Variants in NOX4 observed in about 807,000 individuals in gnomAD.
The protein encoded by NOX4 is NADPH oxidase 4.
Under a neutral mutation model 87.6 loss-of-function variants are expected in NOX4, and 69 were observed. The observed-to-expected ratio is 0.79, with a 90% CI of 0.65 to 0.96. The LOEUF (loss-of-function observed/expected upper bound fraction) is 0.96. NOX4 is among the 40% of genes least tolerant of loss of function. The probability of loss-of-function intolerance (pLI) is 0.00; values close to 1 mark genes in which losing one functional copy is unlikely to be tolerated. For missense variants in NOX4, 680 were observed against 681.5 expected, an observed-to-expected ratio of 1.00 and a Z score of 0.02; for synonymous variants, 275 against 238.2, an observed-to-expected ratio of 1.15 and a Z score of -1.42.
chr11:89,558,597 C>A, the NOX4 span, among the ~76,000 whole-genome samples: 1 of 152,170 alleles, frequency 6.6e-6, no homozygotes, highest in East Asian at 1.9e-4. Context: ...CAGAATACTT[C>A]AAATATGTTG....
intron 13 of NOX4, among the ~76,000 whole-genome samples, chr11:89,349,827 G>C (rs1194907787): frequency 6.6e-6 from 1 of 152,116 alleles, no homozygotes; most frequent in Non-Finnish European, 1.5e-5. Context: ...CAAAATGGTT[G>C]CAAGTAATTT....
At chr11:89,458,418 G>A (rs899610381) in intron 2 of NOX4, among the ~76,000 whole-genome samples, 2 of 152,092 alleles carry the variant, frequency 1.3e-5, no homozygotes, top group African/African-American at 4.8e-5. Flanking sequence ...ATTTCATGAT[G>A]AAGACAACAA....
the NOX4 span, among the ~76,000 whole-genome samples, chr11:89,572,914 T>C: frequency 1.3e-5 from 2 of 152,154 alleles, no homozygotes; most frequent in Non-Finnish European, 2.9e-5. Context: ...TTATGTAGTC[T>C]TATACTTTAT....
chr11:89,493,716 A>ATT (rs1946915337), upstream of NOX4, among the ~76,000 whole-genome samples: 1 of 101,110 alleles, frequency 9.9e-6, no homozygotes, highest in Non-Finnish European at 2.0e-5. Flanking sequence ...TCTAAGCCAG[A>ATT]TTGTTTTATT....
chr11:89,534,733 T>A, the NOX4 span, among the ~76,000 whole-genome samples: 1 of 152,230 alleles, frequency 6.6e-6, no homozygotes, highest in South Asian at 2.1e-4. Flanking sequence ...TAGACTGGAC[T>A]GCCCTGGAGT....
chr11:89,381,359 T>C (rs1323596384), intron 11 of NOX4, among the ~76,000 whole-genome samples: 1 of 152,120 alleles, frequency 6.6e-6, no homozygotes, highest in Non-Finnish European at 1.5e-5. Context: ...CTGAAGTAAC[T>C]GAAGAGTCAC....
rs555361352 is a variant in NOX4 at position 89,326,356 on chromosome 11, T to A, written c.*400A>T. The A allele has an allele frequency of 6.4e-6, 1 of 155,114 alleles. No homozygotes were observed. The highest frequency in any genetic ancestry group is 2.0e-4 in the South Asian group (1 of 5,004). The allele number at this position is 155,114 out of a possible 1,614,324, so 9.6% of individuals were successfully genotyped here. On this transcript the variant is annotated 3_prime_UTR_variant, in exon 18 of 18. Coordinates refer to ENST00000263317, the MANE Select transcript of NOX4 (RefSeq NM_016931.5). ...ACAGAAAATGGAATTTCAGCTTCAA[T>A]GAATTTTTAATTTTGTTCAATCTTG...
the NOX4 span, among the ~76,000 whole-genome samples, chr11:89,505,281 G>A: frequency 6.6e-6 from 1 of 151,846 alleles, no homozygotes; most frequent in African/African-American, 2.4e-5. Context: ...TCTGCAGTGG[G>A]GAAAGACAAG....
the NOX4 span, among the ~76,000 whole-genome samples, chr11:89,540,694 A>G: frequency 6.7e-6 from 1 of 148,840 alleles, no homozygotes; most frequent in African/African-American, 2.5e-5. Flanking sequence ...AGGCTGAGGC[A>G]GGAGAATGGT....
chr11:89,559,608 T>C, the NOX4 span, among the ~76,000 whole-genome samples: 13 of 152,106 alleles, frequency 8.5e-5, no homozygotes, highest in African/African-American at 3.1e-4. Context: ...CTAAAGAGTA[T>C]AGATAGATAA....
At chr11:89,396,801 G>A (rs1222363019) in intron 11 of NOX4, among the ~76,000 whole-genome samples, 1 of 152,090 alleles carries the variant, frequency 6.6e-6, no homozygotes, top group East Asian at 1.9e-4. Flanking sequence ...CAATACAGGA[G>A]CACCCAGATT....
intron 2 of NOX4, among the ~76,000 whole-genome samples, chr11:89,473,957 C>A (rs554417476): frequency 6.6e-6 from 1 of 152,160 alleles, no homozygotes. Flanking sequence ...TAATTTGGTA[C>A]AGACTATTTT....
intron 8 of NOX4, among the ~76,000 whole-genome samples, chr11:89,407,505 T>G (rs567960285): frequency 6.6e-6 from 1 of 152,184 alleles, no homozygotes; most frequent in African/African-American, 2.4e-5. Flanking sequence ...TTTATGGAGT[T>G]TCAAAATTGT....
intron 11 of NOX4, among the ~76,000 whole-genome samples, chr11:89,395,968 G>T (rs1224933541): frequency 6.6e-6 from 1 of 152,098 alleles, no homozygotes; most frequent in Non-Finnish European, 1.5e-5. Flanking sequence ...TTTGGCTTAG[G>T]ATTGTCTTGG....
intron 7 of NOX4, 30 bp downstream of exon 7, chr11:89,432,754 C>T (rs1342171173): frequency 6.8e-7 from 1 of 1,468,510 alleles, no homozygotes. Context: ...CTGACAGATA[C>T]ACATCAAAAT....
At chr11:89,477,523 G>C (rs1036388087) in intron 2 of NOX4, among the ~76,000 whole-genome samples, 1 of 152,132 alleles carries the variant, frequency 6.6e-6, no homozygotes, top group Admixed American at 6.5e-5. Context: ...ACCGCTGAAA[G>C]AGTGGGATTG....
At position 89,400,347 on chromosome 11, in the gene NOX4, C is replaced by T; in HGVS notation, c.879G>A (p.Leu293=). ...TWLWISGPLC[L]YCAERLYRYI... ...ACCTGTAAAGTCTTTCGGCACAGTA[C>T]AGGCACAAAGGTCCAGAAATCCAAA... Residue 293 remains leucine (L), a synonymous_variant, in exon 10 of 18, where the codon CTG becomes CTA. Transcript: ENST00000263317. 1 of 1,602,070 alleles carries T rather than the reference C, an allele frequency of 6.2e-7. No individual in the cohort carries two copies. The highest frequency in any genetic ancestry group is 8.5e-7 in the Non-Finnish European group (1 of 1,175,590).
At chr11:89,443,042 G>T (rs1944525953) in intron 5 of NOX4, among the ~76,000 whole-genome samples, 1 of 152,108 alleles carries the variant, frequency 6.6e-6, no homozygotes, top group South Asian at 2.1e-4. Context: ...CTGCTAAGGA[G>T]CGGGAATTTT....
the NOX4 span, among the ~76,000 whole-genome samples, chr11:89,586,069 G>A: frequency 6.6e-6 from 1 of 151,954 alleles, no homozygotes; most frequent in African/African-American, 2.4e-5. Context: ...GTGCTCTAGA[G>A]CAGAACATTA....
Sources: gnomAD v4.1 joint callset for allele counts (sites outside exome capture counted in the v4.1 genomes callset) on GRCh38, gnomAD v4.1.1 for gene constraint, MANE v1.5 for transcripts, NCBI Gene and HGNC (gene_info 2026-07-23, HGNC 2026-07-21) for gene names.